STX8: variants seen among roughly 807,000 people sequenced by gnomAD.
STX8 encodes syntaxin 8.
A neutral mutation model predicts 37.5 loss-of-function variants in STX8; 23 were observed. That is an observed-to-expected ratio of 0.61 (90% CI 0.44 to 0.87). The LOEUF (loss-of-function observed/expected upper bound fraction) is 0.87. Among genes scored for constraint, STX8 ranks in the 40% least tolerant of loss-of-function variants. The probability of loss-of-function intolerance (pLI) is 0.00; values close to 1 mark genes in which losing one functional copy is unlikely to be tolerated. For missense variants in STX8, 313 were observed against 284.7 expected (o/e 1.10, Z -0.71); for synonymous variants, 115 against 99.1 (o/e 1.16, Z -0.95).
intron 6 of STX8, among the ~76,000 whole-genome samples, chr17:9,422,180 C>T (rs900232662): frequency 6.6e-6 from 1 of 151,658 alleles, no homozygotes; most frequent in African/African-American, 2.4e-5. Context: ...TCTTGGCTCA[C>T]TGCAACCTCT....
At chr17:9,484,009 A>G (rs905148110) in intron 6 of STX8, among the ~76,000 whole-genome samples, 2 of 152,352 alleles carry the variant, frequency 1.3e-5, no homozygotes, top group East Asian at 1.9e-4. Flanking sequence ...ATCTTCATCA[A>G]TGCCAAACAA....
chr17:9,462,041 T>C (rs934072041), intron 6 of STX8, among the ~76,000 whole-genome samples: 1 of 152,114 alleles, frequency 6.6e-6, no homozygotes, highest in Non-Finnish European at 1.5e-5. Flanking sequence ...TAAATACAGA[T>C]GAAGCTTCAG....
intron 2 of STX8, among the ~76,000 whole-genome samples, chr17:9,559,760 A>ATATATTTTTTTTTTTT: frequency 2.0e-4 from 5 of 24,496 alleles, no homozygotes; most frequent in African/African-American, 7.6e-4. Flanking sequence ...ATATATATAT[A>ATATATTTTTTTTTTTT]TTTTTTTTTT....
At position 9,426,074 on chromosome 17, in the gene STX8, G is replaced by C. The variant is rs561604092; in HGVS notation, c.542-47421C>G. Among the ~76,000 whole-genome samples, 6 of 152,006 alleles carry C rather than the reference G, an allele frequency of 3.9e-5. No homozygotes were observed. The South Asian group carries it at 8.3e-4, about 21-fold the overall frequency. On this transcript the variant is annotated intron_variant, in intron 6 of 7. Transcript: ENST00000306357. The stretch of plus-strand genomic sequence containing the variant: ...AACCTAGACAATCTGTCTTTAATCT[G>C]ATACAATGCCTAAGTAGCCCAAAAA...
intron 7 of STX8, among the ~76,000 whole-genome samples, chr17:9,354,395 C>T (rs943198341): frequency 3.5e-5 from 5 of 142,332 alleles, no homozygotes; most frequent in Admixed American, 2.2e-4. Flanking sequence ...GATCTCGGCT[C>T]ACTGCAACCT....
At chr17:9,473,319 A>T (rs1271641780) in intron 6 of STX8, among the ~76,000 whole-genome samples, 1 of 152,012 alleles carries the variant, frequency 6.6e-6, no homozygotes, top group Non-Finnish European at 1.5e-5. Context: ...GTGCCCAGCC[A>T]TGTCTCAGGA....
chr17:9,557,850 G>C (rs1907041948), intron 2 of STX8, among the ~76,000 whole-genome samples: 2 of 152,124 alleles, frequency 1.3e-5, no homozygotes, highest in African/African-American at 4.8e-5. Flanking sequence ...CTACCCCATT[G>C]ATCCTATGTA....
At chr17:9,544,341 A>G (rs1906409573) in intron 4 of STX8, among the ~76,000 whole-genome samples, 1 of 151,982 alleles carries the variant, frequency 6.6e-6, no homozygotes, top group Non-Finnish European at 1.5e-5. Context: ...GGAAAGCCCG[A>G]CCCGTCCTCC....
At position 9,252,316 on chromosome 17, in the gene STX8, C is replaced by T. The variant is rs148299227; in HGVS notation, c.644-1671G>A. The stretch of plus-strand genomic sequence containing the variant: ...AAAATTAGCCTGGCGTGGTGGCAGG[C>T]GCCTGTAGTCCCACCTACTTGGGAG... On this transcript the variant is annotated intron_variant, in intron 7 of 7. Transcript: ENST00000306357. 6.1e-3 allele frequency among the ~76,000 whole-genome samples: 930 copies of T among 152,186 alleles called. 30 individuals are homozygous for T. Among genetic ancestry groups the T allele is most frequent in the East Asian group, 0.059 (305 of 5,166 alleles).
At chr17:9,314,071 AC>A (rs1909291966) in intron 7 of STX8, among the ~76,000 whole-genome samples, 1 of 152,146 alleles carries the variant, frequency 6.6e-6, no homozygotes, top group African/African-American at 2.4e-5. Context: ...TAACTCCCCT[AC>A]TGAACTAAGC....
intron 6 of STX8, among the ~76,000 whole-genome samples, chr17:9,487,599 T>G (rs549355512): frequency 6.6e-6 from 1 of 152,126 alleles, no homozygotes; most frequent in South Asian, 2.1e-4. Flanking sequence ...CCAGCATAGC[T>G]GCCTTCTCTC....
At chr17:9,259,124 T>C (rs1567757510) in intron 7 of STX8, among the ~76,000 whole-genome samples, 1 of 152,244 alleles carries the variant, frequency 6.6e-6, no homozygotes, top group Admixed American at 6.5e-5. Flanking sequence ...TGACTTCTAA[T>C]CTGCCACTGG....
rs897042864 is a variant in STX8 at position 9,480,011 on chromosome 17, T to A, written c.541+11818A>T. Among the ~76,000 whole-genome samples, 3 of 152,220 alleles carry A rather than the reference T, an allele frequency of 2.0e-5. No homozygotes were observed. In the East Asian group the frequency reaches 5.8e-4, roughly 29 times the overall value. On this transcript the variant is annotated intron_variant, in intron 6 of 7. Transcript: ENST00000306357. ...TTGCTTTTCATACAGGTAACTGCTG[T>A]TTATCCTTTTCAATCTGTTCAAATA...
chr17:9,336,893 C>T (rs1001650012), intron 7 of STX8, among the ~76,000 whole-genome samples: 1 of 152,274 alleles, frequency 6.6e-6, no homozygotes, highest in East Asian at 1.9e-4. Context: ...AAGGCCACAG[C>T]CAGAAGTGGG....
intron 6 of STX8, among the ~76,000 whole-genome samples, chr17:9,430,676 GTC>G (rs749157331): frequency 3.1e-4 from 43 of 140,534 alleles, no homozygotes; most frequent in Admixed American, 1.3e-3. Context: ...TTGAGACAGA[GTC>G]TCGCTCTGTT....
At chr17:9,483,923 C>T (rs1168260689) in intron 6 of STX8, among the ~76,000 whole-genome samples, 1 of 152,092 alleles carries the variant, frequency 6.6e-6, no homozygotes. Flanking sequence ...AGCCTGGCCC[C>T]CTTTGGTAAG....
intron 4 of STX8, among the ~76,000 whole-genome samples, chr17:9,527,047 C>T (rs1905601955): frequency 2.8e-5 from 4 of 143,884 alleles, no homozygotes; most frequent in South Asian, 4.6e-4. Flanking sequence ...GGCGCGGTGG[C>T]GGGCGCCTGT....
intron 3 of STX8, among the ~76,000 whole-genome samples, chr17:9,546,440 A>G (rs1261440009): frequency 6.7e-6 from 1 of 148,844 alleles, no homozygotes; most frequent in African/African-American, 2.5e-5. Context: ...CTTTGGAAAG[A>G]AACCTACAAT....
chr17:9,458,381 C>T (rs1431886539), intron 6 of STX8, among the ~76,000 whole-genome samples: 1 of 150,896 alleles, frequency 6.6e-6, no homozygotes. Flanking sequence ...GATCTCCTGA[C>T]TTCGTGATCC....
Sources: gnomAD v4.1 joint callset for allele counts (sites outside exome capture counted in the v4.1 genomes callset) on GRCh38, gnomAD v4.1.1 for gene constraint, MANE v1.5 for transcripts, NCBI Gene and HGNC (gene_info 2026-07-23, HGNC 2026-07-21) for gene names.